Variants in LRRC69 observed in about 807,000 individuals in gnomAD.
LRRC69 encodes leucine-rich repeat-containing protein 69.
A neutral mutation model predicts 37.8 loss-of-function variants in LRRC69; 42 were observed. The observed-to-expected ratio is 1.11, with a 90% CI of 0.87 to 1.44. The LOEUF (loss-of-function observed/expected upper bound fraction) is 1.44. Among genes scored for constraint, LRRC69 ranks in the 40% most tolerant of loss-of-function variants. The probability of loss-of-function intolerance (pLI) is 0.00; values close to 1 mark genes in which losing one functional copy is unlikely to be tolerated. For synonymous variants in LRRC69, 141 were observed against 143.1 expected, an observed-to-expected ratio of 0.99 and a Z score of 0.11; for missense variants, 357 against 401.9, an observed-to-expected ratio of 0.89 and a Z score of 0.96.
intron 1 of LRRC69, among the ~76,000 whole-genome samples, chr8:91,114,240 AAG>A (rs1220901661): frequency 6.6e-6 from 1 of 151,978 alleles, no homozygotes; most frequent in Non-Finnish European, 1.5e-5. Flanking sequence ...TCATTATGGA[AAG>A]AGTATGAAGA....
chr8:91,157,710 A>G, intron 5 of LRRC69: 4 of 1,602,896 alleles, frequency 2.5e-6, no homozygotes, highest in Middle Eastern at 1.7e-4. Flanking sequence ...AAGCAAAAAT[A>G]TACTGTGAAC....
At chr8:91,116,963 C>G (rs147081414) in intron 1 of LRRC69, among the ~76,000 whole-genome samples, 175 of 152,138 alleles carry the variant, frequency 1.2e-3, no homozygotes, top group Middle Eastern at 6.8e-3. Flanking sequence ...TGCCTCATAT[C>G]CAAGATGTAA....
intron 7 of LRRC69, chr8:91,206,679 T>C (rs1440058954): frequency 3.9e-6 from 5 of 1,289,300 alleles, no homozygotes; most frequent in Non-Finnish European, 5.1e-6. Context: ...TCTTATTTCA[T>C]GTCTCTCTTT....
chr8:91,119,937 T>G (rs1227547438), intron 1 of LRRC69, among the ~76,000 whole-genome samples: 1 of 151,992 alleles, frequency 6.6e-6, no homozygotes, highest in Non-Finnish European at 1.5e-5. Context: ...GGATTTTGAT[T>G]CTGTGAGTGT....
intron 5 of LRRC69, among the ~76,000 whole-genome samples, chr8:91,162,923 A>G (rs960849100): frequency 1.3e-4 from 20 of 150,776 alleles, no homozygotes; most frequent in African/African-American, 4.9e-4. Flanking sequence ...TACCCATTAG[A>G]TTATGTATTT....
At position 91,151,461 on chromosome 8, in the gene LRRC69, T is replaced by C. The variant is rs193212993; in HGVS notation, c.651+15722T>C. Among the ~76,000 whole-genome samples the C allele has an allele frequency of 4.6e-3, 692 of 152,068 alleles. 6 individuals carry two copies. Among genetic ancestry groups the C allele is most frequent in the African/African-American group, 0.016 (670 of 41,556 alleles). On this transcript the variant is annotated intron_variant, in intron 5 of 7. Transcript: ENST00000448384. ...CTGTGGTCTGAGGGACAGTTTGTTA[T>C]AATTTCTGTTCTTTTACATTTGCTG...
chr8:91,177,573 A>G (rs1172662150), intron 5 of LRRC69, among the ~76,000 whole-genome samples: 1 of 152,200 alleles, frequency 6.6e-6, no homozygotes, highest in East Asian at 1.9e-4. Flanking sequence ...GCTCCTATAT[A>G]GGTATGAATG....
At chr8:91,104,456 A>C (rs1813272700) in intron 1 of LRRC69, among the ~76,000 whole-genome samples, 1 of 152,018 alleles carries the variant, frequency 6.6e-6, no homozygotes, top group South Asian at 2.1e-4. Flanking sequence ...ATCTATGATT[A>C]TATTTTCTTT....
At chr8:91,126,977 G>T (rs1813728047) in intron 2 of LRRC69, 111 bp from the exon 3 acceptor site, 5 of 762,584 alleles carry the variant, frequency 6.6e-6, no homozygotes, top group Non-Finnish European at 2.2e-6. Flanking sequence ...CACCAAAAGA[G>T]CCTTGGCCAA....
Position 91,194,580 on chromosome 8 carries a change from G to C in LRRC69, c.753+4957G>C, listed in dbSNP as rs1586278710. Reference sequence around the variant, plus strand: ...TTCTTCCTGGTTTAGTCTTGGGAGAGTGTATGTGTCGAGGAATTTATCCAT... The same window carrying C: ...TTCTTCCTGGTTTAGTCTTGGGAGACTGTATGTGTCGAGGAATTTATCCAT... On this transcript the variant is annotated intron_variant, in intron 6 of 7. Coordinates refer to ENST00000448384, the Ensembl canonical transcript of LRRC69. Among the ~76,000 whole-genome samples, 12 of 151,182 alleles carry C rather than the reference G, an allele frequency of 7.9e-5. No individual in the cohort carries two copies. The South Asian group carries it at 2.3e-3, about 29-fold the overall frequency.
intron 6 of LRRC69, among the ~76,000 whole-genome samples, chr8:91,198,996 A>G (rs1050377265): frequency 6.6e-5 from 10 of 152,234 alleles, no homozygotes; most frequent in African/African-American, 2.4e-4. Context: ...ACTGAGTGCA[A>G]CAAACATGTT....
At chr8:91,104,568 T>C (rs1428602521) in intron 1 of LRRC69, among the ~76,000 whole-genome samples, 1 of 151,988 alleles carries the variant, frequency 6.6e-6, no homozygotes, top group Non-Finnish European at 1.5e-5. Flanking sequence ...CTGTATAATT[T>C]TTTTCTGTCA....
At chr8:91,144,552 A>ATT (rs1392755262) in intron 5 of LRRC69, among the ~76,000 whole-genome samples, 5 of 151,908 alleles carry the variant, frequency 3.3e-5, no homozygotes, top group African/African-American at 1.2e-4. Context: ...TGGAAATAGG[A>ATT]CCTCTCATTA....
chr8:91,126,702 G>C (rs191517244), intron 2 of LRRC69, among the ~76,000 whole-genome samples: 13 of 152,162 alleles, frequency 8.5e-5, no homozygotes, highest in African/African-American at 3.1e-4. Context: ...ATGTTCAAAA[G>C]AGAGAATGGA....
intron 6 of LRRC69, among the ~76,000 whole-genome samples, chr8:91,197,714 C>G (rs949057189): frequency 2.6e-4 from 39 of 152,008 alleles, no homozygotes; most frequent in African/African-American, 9.4e-4. Context: ...GCGCACGGTG[C>G]GCGCACCCAC....
At chr8:91,152,454 T>A (rs1808758074) in intron 5 of LRRC69, among the ~76,000 whole-genome samples, 1 of 151,628 alleles carries the variant, frequency 6.6e-6, no homozygotes, top group African/African-American at 2.4e-5. Context: ...GAGGTCTTAT[T>A]TCTGAGATGT....
intron 4 of LRRC69, 58 bp from the exon 5 acceptor site, chr8:91,135,610 T>A: frequency 8.8e-7 from 1 of 1,141,432 alleles, no homozygotes; most frequent in South Asian, 1.6e-5. Context: ...TTTATGATTT[T>A]CCTTATGATT....
chr8:91,156,609 C>T (rs1044429035), intron 5 of LRRC69, among the ~76,000 whole-genome samples: 2 of 150,518 alleles, frequency 1.3e-5, no homozygotes, highest in East Asian at 2.0e-4. Flanking sequence ...TTTTGTTGTC[C>T]GTGGTTTGGA....
At chr8:91,155,577 CTAGAACTT>C (rs1313612648) in intron 5 of LRRC69, among the ~76,000 whole-genome samples, 1 of 150,654 alleles carries the variant, frequency 6.6e-6, no homozygotes, top group African/African-American at 2.4e-5. Flanking sequence ...TACTAGAACA[CTAGAACTT>C]ATTTCTCCTC....
Sources: allele counts gnomAD v4.1 joint callset (sites outside exome capture counted in the v4.1 genomes callset), GRCh38; gene constraint gnomAD v4.1.1; transcripts MANE v1.5; gene names NCBI Gene and HGNC (gene_info 2026-07-23, HGNC 2026-07-21).